Variants in FRS2 observed in about 807,000 individuals in gnomAD.
The protein encoded by FRS2 is fibroblast growth factor receptor substrate 2, also known as FGFR signalling adaptor.
In FRS2, 8 loss-of-function variants were observed where a neutral mutation model predicts 43.9. The observed-to-expected ratio is 0.18, with a 90% CI of 0.11 to 0.33. The LOEUF (loss-of-function observed/expected upper bound fraction) is 0.33. FRS2 is among the 10% of genes least tolerant of loss of function. FRS2 has a pLI of 1.00. For synonymous variants in FRS2, 219 were observed against 220.3 expected, an observed-to-expected ratio of 0.99 and a Z score of 0.05; for missense variants, 534 against 627.6, an observed-to-expected ratio of 0.85 and a Z score of 1.59.
At position 69,574,016 on chromosome 12, in the gene FRS2, T is replaced by C. The variant is rs995351543; in HGVS notation, c.588T>C (p.Tyr196=). Residue 196 remains tyrosine (Y), a synonymous_variant, in exon 9 of 9, where the codon TAT becomes TAC. Transcript: ENST00000549921. Reference sequence around the variant, plus strand: ...CTGTTTTGTTTTAGGTACATACCTATGTCAACACTACAGGTGTGCAAGAAG... The same window carrying C: ...CTGTTTTGTTTTAGGTACATACCTACGTCAACACTACAGGTGTGCAAGAAG... ...LLVAEEQVHT[Y]VNTTGVQEER... 4 of 1,606,422 alleles carry C rather than the reference T, an allele frequency of 2.5e-6. No individual in the cohort carries two copies. Among genetic ancestry groups the C allele is most frequent in the Non-Finnish European group, 3.4e-6 (4 of 1,177,114 alleles).
chr12:69,554,562 TA>T (rs1355250592), intron 3 of FRS2, among the ~76,000 whole-genome samples: 1 of 152,216 alleles, frequency 6.6e-6, no homozygotes, highest in Non-Finnish European at 1.5e-5. Context: ...ACATCTTACA[TA>T]ACCGTGACAT....
chr12:69,483,357 C>A (rs186186246), intron 1 of FRS2, among the ~76,000 whole-genome samples: 4 of 152,154 alleles, frequency 2.6e-5, no homozygotes, highest in African/African-American at 9.7e-5. Context: ...AGTTACAATG[C>A]CCCGTGACCC....
intron 3 of FRS2, among the ~76,000 whole-genome samples, chr12:69,537,026 ATATAT>A (rs1189818905): frequency 1.3e-5 from 2 of 151,920 alleles, no homozygotes; most frequent in East Asian, 1.9e-4. Context: ...TTTATAATTA[ATATAT>A]TATTTATTCT....
intron 1 of FRS2, among the ~76,000 whole-genome samples, chr12:69,484,498 A>G (rs766500527): frequency 6.6e-6 from 1 of 152,170 alleles, no homozygotes; most frequent in Non-Finnish European, 1.5e-5. Flanking sequence ...GCCAGTTTCT[A>G]CATTGCTTCT....
At chr12:69,546,785 A>G (rs1878450243) in intron 3 of FRS2, among the ~76,000 whole-genome samples, 2 of 152,210 alleles carry the variant, frequency 1.3e-5, no homozygotes, top group African/African-American at 4.8e-5. Flanking sequence ...GTGAGAATAT[A>G]AAATGGTACA....
At chr12:69,501,853 A>T (rs894095375) in intron 1 of FRS2, among the ~76,000 whole-genome samples, 1 of 152,158 alleles carries the variant, frequency 6.6e-6, no homozygotes, top group African/African-American at 2.4e-5. Flanking sequence ...ATTGTTGTTG[A>T]TATATTTTCC....
intron 1 of FRS2, among the ~76,000 whole-genome samples, chr12:69,498,769 G>A (rs1441252717): frequency 1.3e-5 from 2 of 152,092 alleles, no homozygotes; most frequent in East Asian, 1.9e-4. Context: ...TATTCAGGGC[G>A]TGGGAAACAC....
intron 1 of FRS2, among the ~76,000 whole-genome samples, chr12:69,528,415 C>G (rs1398078748): frequency 6.6e-6 from 1 of 152,034 alleles, no homozygotes; most frequent in East Asian, 1.9e-4. Context: ...AACAGAAATC[C>G]CTAACAAAGT....
chr12:69,533,803 G>A (rs1381373642), intron 3 of FRS2, among the ~76,000 whole-genome samples: 2 of 152,144 alleles, frequency 1.3e-5, no homozygotes, highest in African/African-American at 4.8e-5. Context: ...TTATTTGTTT[G>A]TAGTGTGAAA....
intron 3 of FRS2, among the ~76,000 whole-genome samples, chr12:69,533,729 G>A (rs1877021752): frequency 6.6e-6 from 1 of 152,058 alleles, no homozygotes; most frequent in African/African-American, 2.4e-5. Flanking sequence ...AATTTCATCG[G>A]GGTGATGAAA....
chr12:69,523,873 A>G (rs1416659070), intron 1 of FRS2, among the ~76,000 whole-genome samples: 2 of 152,246 alleles, frequency 1.3e-5, no homozygotes, highest in Non-Finnish European at 2.9e-5. Context: ...CTCCAGGAAC[A>G]CTGGTCACCA....
At chr12:69,566,940 T>A (rs534916679) in intron 4 of FRS2, among the ~76,000 whole-genome samples, 62 of 152,350 alleles carry the variant, frequency 4.1e-4, no homozygotes, top group Middle Eastern at 3.4e-3. Flanking sequence ...ACGCCTCACT[T>A]TCTCCTGAAT....
intron 7 of FRS2, 95 bp from the exon 8 acceptor site, chr12:69,572,023 A>T (rs891737874): frequency 2.5e-6 from 2 of 811,944 alleles, no homozygotes; most frequent in South Asian, 3.9e-5. Context: ...TGGCAGAAAG[A>T]CCTCCTATAA....
chr12:69,547,636 G>T (rs1878521805), intron 3 of FRS2, among the ~76,000 whole-genome samples: 1 of 152,044 alleles, frequency 6.6e-6, no homozygotes, highest in East Asian at 1.9e-4. Flanking sequence ...TGCCTGTTTT[G>T]CATCTATTTG....
chr12:69,532,462 TG>T (rs1389034562), intron 3 of FRS2, among the ~76,000 whole-genome samples: 1 of 152,192 alleles, frequency 6.6e-6, no homozygotes, highest in Non-Finnish European at 1.5e-5. Context: ...TTTGTTTGTC[TG>T]GTAAGGGTTG....
chr12:69,479,315 A>G (rs1278827943), intron 1 of FRS2, among the ~76,000 whole-genome samples: 1 of 148,832 alleles, frequency 6.7e-6, no homozygotes, highest in Non-Finnish European at 1.5e-5. Context: ...ATTTTATTTC[A>G]TTATCTTCTG....
chr12:69,476,760 G>T (rs1215921474), intron 1 of FRS2, among the ~76,000 whole-genome samples: 1 of 148,378 alleles, frequency 6.7e-6, no homozygotes, highest in African/African-American at 2.5e-5. Flanking sequence ...GGACGGGGGG[G>T]GGTGTGGGGG....
intron 3 of FRS2, among the ~76,000 whole-genome samples, chr12:69,560,054 C>T (rs1246915078): frequency 6.6e-6 from 1 of 152,106 alleles, no homozygotes. Context: ...GAATAGAGTT[C>T]AGTGTTCTCT....
At chr12:69,539,591 A>C (rs1232456784) in intron 3 of FRS2, among the ~76,000 whole-genome samples, 1 of 152,044 alleles carries the variant, frequency 6.6e-6, no homozygotes, top group Admixed American at 6.6e-5. Flanking sequence ...GGTGCTCAAA[A>C]ATTCTCAGAA....
Sources: gnomAD v4.1 joint callset for allele counts (sites outside exome capture counted in the v4.1 genomes callset) on GRCh38, gnomAD v4.1.1 for gene constraint, MANE v1.5 for transcripts, NCBI Gene and HGNC (gene_info 2026-07-23, HGNC 2026-07-21) for gene names.